The following TMPRSS11B variants were observed in gnomAD, a reference collection of about 807,000 sequenced individuals.
TMPRSS11B encodes transmembrane serine protease 11B.
Under a neutral mutation model 44.7 loss-of-function variants are expected in TMPRSS11B, and 53 were observed. That is an observed-to-expected ratio of 1.19 (90% CI 0.95 to 1.49). The LOEUF (loss-of-function observed/expected upper bound fraction) is 1.49, where lower values mean the gene tolerates loss of function less well. TMPRSS11B is among the 40% of genes most tolerant of loss of function. The probability of loss-of-function intolerance (pLI) is 0.00; values close to 1 mark genes in which losing one functional copy is unlikely to be tolerated. For synonymous variants in TMPRSS11B, 140 were observed against 159.2 expected (o/e 0.88, Z 0.91); for missense variants, 526 against 494.8 (o/e 1.06, Z -0.60).
intron 6 of TMPRSS11B, 55 bp from the exon 7 acceptor site, chr4:68,231,435 A>G: frequency 6.9e-7 from 1 of 1,457,594 alleles, no homozygotes; most frequent in Non-Finnish European, 9.3e-7. Flanking sequence ...CGCATTATAA[A>G]AAAATATATC....
At chr4:68,242,338 A>ATATTATATATGTAATATATATTATAT (rs1553896883) in intron 1 of TMPRSS11B, among the ~76,000 whole-genome samples, 2 of 50,930 alleles carry the variant, frequency 3.9e-5, no homozygotes, top group East Asian at 5.8e-4. Flanking sequence ...ATTATATTAT[A>ATATTATATATGTAATATATATTATAT]TATATATTAT....
At chr4:68,237,418 T>C (rs1361203407) in intron 2 of TMPRSS11B, among the ~76,000 whole-genome samples, 1 of 152,130 alleles carries the variant, frequency 6.6e-6, no homozygotes, top group Non-Finnish European at 1.5e-5. Context: ...TATGTCTTTA[T>C]AGTAGAATGA....
intron 2 of TMPRSS11B, among the ~76,000 whole-genome samples, chr4:68,238,105 T>C (rs1039954523): frequency 3.3e-5 from 5 of 152,212 alleles, no homozygotes; most frequent in African/African-American, 1.2e-4. Context: ...AGAGCAATTG[T>C]GCTTTTGATC....
rs369877018 is a variant in TMPRSS11B, at chr4:68,234,546, G to C, written c.386C>G (p.Thr129Ser). ...FPPAEGVSMR[T>S]KIKAKLHQML... ...CTGATGTAATTTAGCCTTGATTTTA[G>C]TCCTCATGCTAACTCCTTCTGCTGG... The change falls in exon 5 of 10, where the codon ACT becomes AGT. Residue 129 changes from threonine to serine, a missense_variant. Thr to Ser is a moderately conservative substitution (Grantham distance 58). Transcript: ENST00000332644. 16 of 1,613,930 alleles carry C rather than the reference G, an allele frequency of 9.9e-6. No homozygotes were observed. The African/African-American group carries it at 1.9e-4, about 19-fold the overall frequency.
chr4:68,242,321 A>AT (rs1719870446), intron 1 of TMPRSS11B, among the ~76,000 whole-genome samples: 1 of 68,346 alleles, frequency 1.5e-5, no homozygotes, highest in Non-Finnish European at 2.5e-5. Flanking sequence ...AATATTATAT[A>AT]TATAATATTA....
rs1719364541 is a variant in TMPRSS11B, at chr4:68,226,804, A to G, written c.*1107T>C. 6.6e-6 allele frequency: 1 copy of G among 152,226 alleles called. No homozygotes were observed. The highest frequency in any genetic ancestry group is 1.9e-4 in the East Asian group (1 of 5,196). 9.4% of individuals were successfully genotyped at this position (152,226 alleles called of 1,614,324 possible). On this transcript the variant is annotated 3_prime_UTR_variant, in exon 10 of 10. Coordinates refer to ENST00000332644, the MANE Select transcript of TMPRSS11B (RefSeq NM_182502.3). ...CTTTTACTATAAGGAGATGCCACACAGTTCTCTGCCCTTGATGACCTCATA... is the reference window on the plus strand; with the variant it reads ...CTTTTACTATAAGGAGATGCCACACGGTTCTCTGCCCTTGATGACCTCATA...
At chr4:68,238,244 A>G (rs527534889) in intron 2 of TMPRSS11B, among the ~76,000 whole-genome samples, 7 of 152,218 alleles carry the variant, frequency 4.6e-5, no homozygotes, top group South Asian at 2.1e-4. Flanking sequence ...CTATATTCCT[A>G]TAGATTCTTA....
intron 9 of TMPRSS11B, among the ~76,000 whole-genome samples, chr4:68,228,323 GAGA>G (rs888238009): frequency 6.6e-6 from 1 of 152,188 alleles, no homozygotes; most frequent in Non-Finnish European, 1.5e-5. Context: ...CTTGAATATG[GAGA>G]AGGTGACTTA....
Position 68,245,631 on chromosome 4 carries a change from A to C in TMPRSS11B, c.-73T>G. 6.4e-7 allele frequency: 1 copy of C among 1,554,500 alleles called. No individual in the cohort carries two copies. The highest frequency in any genetic ancestry group is 1.1e-5 in the South Asian group (1 of 89,412). ...GATGACGAAGATAACGATAACGATG[A>C]CAATGCTGGTAATAGTGATGACAAA... is the stretch of plus-strand genomic sequence containing the variant. On this transcript the variant is annotated 5_prime_UTR_variant, in exon 1 of 10. Transcript: ENST00000332644.
chr4:68,231,660 G>A (rs1352013065), intron 6 of TMPRSS11B, among the ~76,000 whole-genome samples: 1 of 152,134 alleles, frequency 6.6e-6, no homozygotes, highest in East Asian at 1.9e-4. Flanking sequence ...ATTCTTGAAG[G>A]AGGAGCTTTG....
chr4:68,233,917 A>T (rs1369611786), intron 5 of TMPRSS11B, among the ~76,000 whole-genome samples: 5 of 152,032 alleles, frequency 3.3e-5, no homozygotes, highest in African/African-American at 1.2e-4. Flanking sequence ...CATGCCTGTA[A>T]TCCCAGCACT....
chr4:68,234,699 C>T (rs554825046), intron 4 of TMPRSS11B, 76 bp from the exon 5 acceptor site: 2 of 1,426,544 alleles, frequency 1.4e-6, no homozygotes, highest in Admixed American at 2.1e-5. Context: ...AAATTTCACA[C>T]ATTTTAATTA....
intron 2 of TMPRSS11B, among the ~76,000 whole-genome samples, chr4:68,239,268 G>GCGCGCTCTCTCTCTCGCA (rs1275819714): frequency 7.6e-5 from 11 of 144,184 alleles, no homozygotes; most frequent in Non-Finnish European, 1.7e-4. Flanking sequence ...TCTCTCGCGC[G>GCGCGCTCTCTCTCTCGCA]CGCGCTCTCT....
At chr4:68,240,065 A>G (rs1256139592) in intron 2 of TMPRSS11B, among the ~76,000 whole-genome samples, 1 of 152,192 alleles carries the variant, frequency 6.6e-6, no homozygotes, top group African/African-American at 2.4e-5. Flanking sequence ...AAAAGTGGAA[A>G]CTCAAAAGTT....
intron 2 of TMPRSS11B, among the ~76,000 whole-genome samples, chr4:68,240,961 T>C (rs1238164729): frequency 6.6e-6 from 1 of 152,164 alleles, no homozygotes; most frequent in African/African-American, 2.4e-5. Flanking sequence ...CAAGCTATGC[T>C]ACTTAAAAGC....
In TMPRSS11B at chr4:68,234,569, T is replaced by C. The variant is rs371956578; in HGVS notation, c.363A>G (p.Pro121=). 1 of 1,613,852 alleles carries C rather than the reference T, an allele frequency of 6.2e-7. No individual in the cohort carries two copies. Among genetic ancestry groups the C allele is most frequent in the African/African-American group, 1.3e-5 (1 of 74,918 alleles). Residue 121 remains proline (P), a synonymous_variant, in exon 5 of 10, where the codon CCA becomes CCG. Transcript: ENST00000332644. Reference sequence around the variant, plus strand: ...TAGTCCTCATGCTAACTCCTTCTGCTGGAGGAAACTTGAATTTCAGCTGTA... The same window carrying C: ...TAGTCCTCATGCTAACTCCTTCTGCCGGAGGAAACTTGAATTTCAGCTGTA... The part of the protein sequence containing the change: ...VQLQLKFKFP[P]AEGVSMRTKI...
rs1339704053 is a variant in TMPRSS11B at position 68,227,372 on chromosome 4, A to G, written c.*539T>C. Reference sequence around the variant, plus strand: ...AATCACAACTCAGCTATTAAGAAAAATTATATATTAGCCTTCTTTATTTTC... The same window carrying G: ...AATCACAACTCAGCTATTAAGAAAAGTTATATATTAGCCTTCTTTATTTTC... On this transcript the variant is annotated 3_prime_UTR_variant, in exon 10 of 10. Transcript: ENST00000332644. 1 of 149,582 alleles carries G rather than the reference A, an allele frequency of 6.7e-6. No individual in the cohort carries two copies. The highest frequency in any genetic ancestry group is 1.5e-5 in the Non-Finnish European group (1 of 67,604). 9.3% of individuals were successfully genotyped at this position (149,582 alleles called of 1,614,324 possible).
chr4:68,241,038 G>C (rs1351420592), intron 2 of TMPRSS11B, among the ~76,000 whole-genome samples: 1 of 152,110 alleles, frequency 6.6e-6, no homozygotes, highest in Non-Finnish European at 1.5e-5. Context: ...AATAAGGATA[G>C]TAGTAAAATC....
rs561637562 is a variant in TMPRSS11B, at chr4:68,227,800, A to G, written c.*111T>C. 12 of 580,648 alleles carry G rather than the reference A, an allele frequency of 2.1e-5. No homozygotes were observed. In the South Asian group the frequency reaches 1.1e-3, roughly 51 times the overall value. 36.0% of individuals were successfully genotyped at this position (580,648 alleles called of 1,614,324 possible). Reference sequence around the variant, plus strand: ...TATTAATAAAGACATTTATATTTTTATATATAATAAAATGATTAGTTTACC... The same window carrying G: ...TATTAATAAAGACATTTATATTTTTGTATATAATAAAATGATTAGTTTACC... On this transcript the variant is annotated 3_prime_UTR_variant, in exon 10 of 10. Transcript: ENST00000332644.
Sources: gnomAD v4.1 joint callset for allele counts (sites outside exome capture counted in the v4.1 genomes callset) on GRCh38, gnomAD v4.1.1 for gene constraint, MANE v1.5 for transcripts, NCBI Gene and HGNC (gene_info 2026-07-23, HGNC 2026-07-21) for gene names.